The following SUGCT variants were observed in gnomAD, a reference collection of about 807,000 sequenced individuals.
SUGCT encodes succinyl-CoA:glutarate-CoA transferase.
Under a neutral mutation model 55.0 loss-of-function variants are expected in SUGCT, and 41 were observed. The ratio of observed to expected loss-of-function variants is 0.74; its 90% CI spans 0.58 to 0.97. The LOEUF (loss-of-function observed/expected upper bound fraction) is 0.97, where lower values mean the gene tolerates loss of function less well. Ranked by LOEUF, SUGCT falls within the 50% of genes least tolerant of loss-of-function variation. SUGCT has a pLI of 0.00. For missense variants in SUGCT, 568 were observed against 547.8 expected (o/e 1.04, Z -0.37); for synonymous variants, 187 against 200.4 (o/e 0.93, Z 0.56).
intron 13 of SUGCT, among the ~76,000 whole-genome samples, chr7:40,836,404 C>T (rs1792977382): frequency 6.6e-6 from 1 of 152,172 alleles, no homozygotes; most frequent in Admixed American, 6.5e-5. Context: ...CTATATCAGA[C>T]AGGAAACTGT....
chr7:40,609,117 C>T (rs1300716710), intron 12 of SUGCT, among the ~76,000 whole-genome samples: 3 of 152,188 alleles, frequency 2.0e-5, no homozygotes, highest in South Asian at 4.2e-4. Flanking sequence ...TCTGTGATCT[C>T]GAGCACATTA....
intron 1 of SUGCT, among the ~76,000 whole-genome samples, chr7:40,175,850 C>G (rs1784898711): frequency 6.6e-6 from 1 of 152,094 alleles, no homozygotes. Flanking sequence ...TGCACAATGA[C>G]CTACTCAAAT....
intron 12 of SUGCT, among the ~76,000 whole-genome samples, chr7:40,650,574 T>C (rs1800728821): frequency 2.0e-5 from 3 of 152,224 alleles, no homozygotes; most frequent in Admixed American, 2.0e-4. Flanking sequence ...CCCATGGACA[T>C]GTTTTAGCCA....
intron 1 of SUGCT, chr7:40,141,926 G>A (rs937496062): frequency 1.6e-5 from 5 of 303,196 alleles, no homozygotes; most frequent in Admixed American, 6.9e-5. Flanking sequence ...CCTGATGCAC[G>A]TGGCCCCGCT....
At chr7:40,896,344 G>T in the SUGCT span, among the ~76,000 whole-genome samples, 1 of 152,140 alleles carries the variant, frequency 6.6e-6, no homozygotes, top group African/African-American at 2.4e-5. Flanking sequence ...TTGATGCAAA[G>T]ATATCCAATG....
At chr7:40,330,682 T>TG (rs1442938435) in intron 9 of SUGCT, among the ~76,000 whole-genome samples, 7 of 79,702 alleles carry the variant, frequency 8.8e-5, no homozygotes, top group East Asian at 3.4e-3. Context: ...CTCTTCTGGA[T>TG]GGGGGGGCAT....
At chr7:40,863,520 G>A (rs1003532236), downstream of SUGCT, among the ~76,000 whole-genome samples, 2 of 152,202 alleles carry the variant, frequency 1.3e-5, no homozygotes, top group East Asian at 3.9e-4. Context: ...TAAAGAGTCT[G>A]AGAGTGAAGG....
the SUGCT span, among the ~76,000 whole-genome samples, chr7:40,934,994 T>C: frequency 6.6e-6 from 1 of 152,208 alleles, no homozygotes; most frequent in Non-Finnish European, 1.5e-5. Context: ...AAATCACTTG[T>C]CTTCTGCGTT....
chr7:40,478,335 G>A (rs530774899), intron 11 of SUGCT, among the ~76,000 whole-genome samples: 5 of 152,126 alleles, frequency 3.3e-5, no homozygotes, highest in South Asian at 2.1e-4. Context: ...CTTACTACCT[G>A]TGCCAGGCAC....
In SUGCT at chr7:40,393,101, ATTT is replaced by A. The variant is rs760489728; in HGVS notation, c.817-56183_817-56181del. On this transcript the variant is annotated intron_variant, in intron 9 of 13. Transcript: ENST00000335693. ...GATTTGGGGTGGAAACAGTTGAGGA[ATTT>A]TTATCATCTGTGGTAGGTGCTATTA... Among the ~76,000 whole-genome samples, 80 of 152,156 alleles carry A rather than the reference ATTT, an allele frequency of 5.3e-4. 1 individual carries two copies. Among genetic ancestry groups the A allele is most frequent in the Non-Finnish European group, 1.0e-3 (71 of 68,038 alleles).
At chr7:40,533,133 G>A (rs1258378254) in intron 12 of SUGCT, among the ~76,000 whole-genome samples, 1 of 152,004 alleles carries the variant, frequency 6.6e-6, no homozygotes, top group Non-Finnish European at 1.5e-5. Context: ...TTTGAATTTT[G>A]TGTTAAAAAC....
the SUGCT span, among the ~76,000 whole-genome samples, chr7:40,996,002 A>T: frequency 6.6e-6 from 1 of 152,220 alleles, no homozygotes; most frequent in Non-Finnish European, 1.5e-5. Context: ...CTGAATTGCA[A>T]AGTGACGTCT....
chr7:40,976,871 C>T, the SUGCT span, among the ~76,000 whole-genome samples: 1 of 152,168 alleles, frequency 6.6e-6, no homozygotes, highest in Non-Finnish European at 1.5e-5. Flanking sequence ...AGTTACTTGA[C>T]CACACTACTT....
At position 40,721,424 on chromosome 7, in the gene SUGCT, G is replaced by A. The variant is rs115858619; in HGVS notation, c.1090-28010G>A. 5.0e-3 allele frequency among the ~76,000 whole-genome samples: 762 copies of A among 152,212 alleles called. 6 individuals are homozygous for A. Among genetic ancestry groups the A allele is most frequent in the African/African-American group, 0.018 (732 of 41,546 alleles). The stretch of plus-strand genomic sequence containing the variant: ...ATAGTTTGCTGTCTGCAACAGTGGC[G>A]GCAGATAAGGAATGCTCTCAGAGGA... On this transcript the variant is annotated intron_variant, in intron 12 of 13. Coordinates refer to ENST00000335693, the MANE Select transcript of SUGCT (RefSeq NM_001193313.2).
intron 9 of SUGCT, among the ~76,000 whole-genome samples, chr7:40,405,682 T>C (rs1418855402): frequency 1.3e-5 from 2 of 151,696 alleles, no homozygotes; most frequent in Non-Finnish European, 2.9e-5. Context: ...TGGTGGTAGG[T>C]GCCTGTAGTC....
intron 8 of SUGCT, among the ~76,000 whole-genome samples, chr7:40,293,832 G>C (rs1793945899): frequency 6.6e-6 from 1 of 152,180 alleles, no homozygotes; most frequent in African/African-American, 2.4e-5. Context: ...AACTGAAGTT[G>C]TAATTGTAGC....
chr7:40,351,446 G>A (rs1797626677), intron 9 of SUGCT, among the ~76,000 whole-genome samples: 1 of 151,742 alleles, frequency 6.6e-6, no homozygotes, highest in African/African-American at 2.4e-5. Context: ...AATTCCTTGA[G>A]TGGATTATTT....
the SUGCT span, among the ~76,000 whole-genome samples, chr7:40,977,996 C>A: frequency 2.6e-4 from 39 of 152,294 alleles, no homozygotes; most frequent in Non-Finnish European, 4.3e-4. Flanking sequence ...TTCCTGTTCG[C>A]CATTGGCTCT....
At chr7:40,367,956 AC>A (rs1190092513) in intron 9 of SUGCT, among the ~76,000 whole-genome samples, 2 of 151,862 alleles carry the variant, frequency 1.3e-5, no homozygotes, top group African/African-American at 4.8e-5. Context: ...CAGGCAAACC[AC>A]CTGCTTTCAT....
Sources: allele counts gnomAD v4.1 joint callset (sites outside exome capture counted in the v4.1 genomes callset), GRCh38; gene constraint gnomAD v4.1.1; transcripts MANE v1.5; gene names NCBI Gene and HGNC (gene_info 2026-07-23, HGNC 2026-07-21).